TRPV4: variants seen among roughly 807,000 people sequenced by gnomAD.
TRPV4 encodes the protein transient receptor potential cation channel subfamily V member 4.
A neutral mutation model predicts 84.1 loss-of-function variants in TRPV4; 58 were observed. That is an observed-to-expected ratio of 0.69 (90% CI 0.56 to 0.86). The LOEUF is 0.86. Ranked by LOEUF, TRPV4 falls within the 40% of genes least tolerant of loss-of-function variation. The pLI is 0.00. For missense variants in TRPV4, 879 were observed against 1,181.1 expected (o/e 0.74, Z 3.75); for synonymous variants, 489 against 500.9 (o/e 0.98, Z 0.32).
intron 2 of TRPV4, among the ~76,000 whole-genome samples, chr12:109,808,669 GGT>G (rs1891299796): frequency 6.6e-6 from 1 of 152,108 alleles, no homozygotes; most frequent in African/African-American, 2.4e-5. Context: ...CTGTGTGTTG[GGT>G]GGAGACAAAC....
chr12:109,826,432 T>G (rs1327741372), intron 1 of TRPV4, among the ~76,000 whole-genome samples: 1 of 152,228 alleles, frequency 6.6e-6, no homozygotes, highest in Admixed American at 6.5e-5. Flanking sequence ...GGGCTGACAT[T>G]TATCCAATAC....
rs538010988 is a variant in TRPV4 at position 109,800,462 on chromosome 12, C to T, written c.853+156G>A. Among the ~76,000 whole-genome samples the T allele has an allele frequency of 4.5e-3, 689 of 152,304 alleles. 8 individuals carry two copies. Among genetic ancestry groups the T allele is most frequent in the African/African-American group, 0.015 (633 of 41,568 alleles). On this transcript the variant is annotated intron_variant, in intron 5 of 15. Coordinates refer to ENST00000261740, the MANE Select transcript of TRPV4 (RefSeq NM_021625.5). ...GCAACGGCCCTGTGACCAAGACCAA[C>T]GTGCAGCCTGTGGTCCAGAGTGCTG...
Position 109,800,738 on chromosome 12 carries a change from C to T in TRPV4, c.733G>A (p.Ala245Thr), listed in dbSNP as rs761829753. Reference protein sequence around the residue: ...YYRGQTALHIAIERRCKHYVE... With the variant: ...YYRGQTALHITIERRCKHYVE... ...TAGTGTTTGCAGCGACGCTCAATGGCGATGTGCAGGGCTGTCTGACCTGGG... is the reference window on the plus strand; with the variant it reads ...TAGTGTTTGCAGCGACGCTCAATGGTGATGTGCAGGGCTGTCTGACCTGGG... Residue 245 changes from alanine to threonine, a missense_variant, in exon 5 of 16, where the codon GCC becomes ACC. Coordinates refer to ENST00000261740, the MANE Select transcript of TRPV4 (RefSeq NM_021625.5). 4.3e-6 allele frequency: 7 copies of T among 1,613,216 alleles called. No homozygotes were observed. The highest frequency in any genetic ancestry group is 2.2e-5 in the East Asian group (1 of 44,820).
intron 12 of TRPV4, among the ~76,000 whole-genome samples, chr12:109,791,012 G>A (rs1031000981): frequency 6.6e-6 from 1 of 152,196 alleles, no homozygotes; most frequent in Non-Finnish European, 1.5e-5. Flanking sequence ...GCTGACCACA[G>A]GCACAAGAGC....
chr12:109,795,817 G>A (rs559021106), intron 7 of TRPV4, among the ~76,000 whole-genome samples: 62 of 152,046 alleles, frequency 4.1e-4, no homozygotes, highest in African/African-American at 1.2e-3. Context: ...GCATGATCTC[G>A]GCTCACTGAA....
Position 109,784,315 on chromosome 12 carries a change from C to A in TRPV4, c.2458+1G>T, listed in dbSNP as rs1473420301. On this transcript the variant is annotated splice_donor_variant, in intron 15 of 15. Coordinates refer to ENST00000261740, the MANE Select transcript of TRPV4 (RefSeq NM_021625.5). LOFTEE classifies it high-confidence loss of function. ...CCCTCCGCACCCGCCCCTCCACTCA[C>A]CCCTGCGGAGGCGGCCCACGGTATG... 1 of 1,614,168 alleles carries A rather than the reference C, an allele frequency of 6.2e-7. No homozygotes were observed. Among genetic ancestry groups the A allele is most frequent in the Non-Finnish European group, 8.5e-7 (1 of 1,180,024 alleles).
intron 3 of TRPV4, among the ~76,000 whole-genome samples, chr12:109,807,755 T>C (rs2136603377): frequency 6.6e-6 from 1 of 152,266 alleles, no homozygotes; most frequent in South Asian, 2.1e-4. Context: ...GGCTGGGGCT[T>C]CAGCCTAGGA....
At chr12:109,800,563 A>G (rs1362757145) in intron 5 of TRPV4, 55 bp downstream of exon 5, 4 of 1,607,942 alleles carry the variant, frequency 2.5e-6, no homozygotes, top group African/African-American at 2.7e-5. Context: ...GTATCATGCT[A>G]TCTCCCGCCA....
chr12:109,784,442 C>T lies in TRPV4; in HGVS notation c.2337-5G>A. 1 of 1,614,100 alleles carries T rather than the reference C, an allele frequency of 6.2e-7. No homozygotes were observed. Among genetic ancestry groups the T allele is most frequent in the South Asian group, 1.1e-5 (1 of 91,078 alleles). On this transcript the variant is annotated splice_region_variant and splice_polypyrimidine_tract_variant and intron_variant, in intron 14 of 15. Transcript: ENST00000261740. ...GACCAGTTCACCTCATCCACCCTGGCAGGGCCCAAGCAGAGGGTCATGGGG... is the reference window on the plus strand; with the variant it reads ...GACCAGTTCACCTCATCCACCCTGGTAGGGCCCAAGCAGAGGGTCATGGGG...
chr12:109,817,688 G>A (rs989183840), intron 1 of TRPV4, among the ~76,000 whole-genome samples: 1 of 152,148 alleles, frequency 6.6e-6, no homozygotes, highest in Admixed American at 6.5e-5. Context: ...CACCATCCTC[G>A]CCTGATGACG....
chr12:109,800,850 T>C (rs1382086818), intron 4 of TRPV4, 92 bp from the exon 5 acceptor site: 3 of 473,298 alleles, frequency 6.3e-6, no homozygotes, highest in Admixed American at 3.1e-5. Flanking sequence ...GACGTAGAAA[T>C]TGGGGGGTGG....
rs552735379 is a variant in TRPV4, at chr12:109,787,367, G to T, written c.2209-530C>A. On this transcript the variant is annotated intron_variant, in intron 13 of 15. Coordinates refer to ENST00000261740, the MANE Select transcript of TRPV4 (RefSeq NM_021625.5). The stretch of plus-strand genomic sequence containing the variant: ...CACCTGCAATCTCAGCACTTTAGGA[G>T]GCCAAGGCAGGTGGATAGCTTGAAC... Among the ~76,000 whole-genome samples, 121 of 152,258 alleles carry T rather than the reference G, an allele frequency of 7.9e-4. 2 individuals carry two copies. In the South Asian group the frequency reaches 0.023, roughly 29 times the overall value.
chr12:109,819,555 T>G (rs1221497944), intron 1 of TRPV4, among the ~76,000 whole-genome samples: 1 of 152,200 alleles, frequency 6.6e-6, no homozygotes, highest in Non-Finnish European at 1.5e-5. Flanking sequence ...CAGCGTTCAT[T>G]CAGAGCAGCG....
chr12:109,787,377 G>T (rs906975849), intron 13 of TRPV4, among the ~76,000 whole-genome samples: 1 of 152,206 alleles, frequency 6.6e-6, no homozygotes, highest in Non-Finnish European at 1.5e-5. Context: ...GGCCAAGGCA[G>T]GTGGATAGCT....
At position 109,814,275 on chromosome 12, in the gene TRPV4, G is replaced by A. The variant is rs931162115; in HGVS notation, c.386+136C>T. On this transcript the variant is annotated intron_variant, in intron 2 of 15. Coordinates refer to ENST00000261740, the MANE Select transcript of TRPV4 (RefSeq NM_021625.5). This position sits in a 1 kb window ranked among gnomAD's most constrained non-coding sequence, Gnocchi z 5.4. ...GAGATGAATAGATGGATGGATAGAT[G>A]TATGGATGGTTGGATGGACAGATGG... The A allele has an allele frequency of 2.0e-6, 2 of 994,684 alleles. No homozygotes were observed. The highest frequency in any genetic ancestry group is 3.2e-5 in the African/African-American group (2 of 62,554). The allele number at this position is 994,684 out of a possible 1,614,324, so 61.6% of individuals were successfully genotyped here. A position where few individuals can be genotyped will look rare whatever the true frequency, so the allele number is the denominator to read the frequency against.
chr12:109,812,492 A>C (rs1000769595), intron 2 of TRPV4, among the ~76,000 whole-genome samples: 6 of 152,308 alleles, frequency 3.9e-5, no homozygotes, highest in Non-Finnish European at 1.5e-5. Context: ...CCAGGAAGAG[A>C]AGGTAGGGAG....
At chr12:109,808,809 T>C (rs1191785668) in intron 2 of TRPV4, among the ~76,000 whole-genome samples, 2 of 145,802 alleles carry the variant, frequency 1.4e-5, no homozygotes, top group African/African-American at 5.4e-5. Context: ...CACCCACTCA[T>C]CCATCTATCC....
chr12:109,810,909 GA>G (rs1327543377), intron 2 of TRPV4, among the ~76,000 whole-genome samples: 1 of 152,134 alleles, frequency 6.6e-6, no homozygotes, highest in Non-Finnish European at 1.5e-5. Context: ...CTTGGGGACA[GA>G]AGGATGGGAA....
intron 3 of TRPV4, among the ~76,000 whole-genome samples, chr12:109,807,937 T>C (rs1053599239): frequency 6.6e-6 from 1 of 152,188 alleles, no homozygotes; most frequent in African/African-American, 2.4e-5. Flanking sequence ...GAGTATGCTA[T>C]GATTATTCCC....
Sources: gnomAD v4.1 joint callset for allele counts (sites outside exome capture counted in the v4.1 genomes callset) on GRCh38, gnomAD v4.1.1 for gene constraint, Gnocchi (gnomAD v3.1) non-coding constraint, MANE v1.5 for transcripts, NCBI Gene and HGNC (gene_info 2026-07-23, HGNC 2026-07-21) for gene names.